The following SHISA9 variants were observed in gnomAD, a reference collection of about 807,000 sequenced individuals.
The protein encoded by SHISA9 is protein shisa-9.
In SHISA9, 13 loss-of-function variants were observed where a neutral mutation model predicts 38.0. The observed-to-expected ratio is 0.34, with a 90% CI of 0.22 to 0.54. SHISA9 has a LOEUF of 0.54. Ranked by LOEUF, SHISA9 falls within the 20% of genes least tolerant of loss-of-function variation. SHISA9 has a pLI of 0.91. For missense variants in SHISA9, 538 were observed against 575.8 expected, an observed-to-expected ratio of 0.93 and a Z score of 0.67; for synonymous variants, 275 against 242.0, an observed-to-expected ratio of 1.14 and a Z score of -1.27.
chr16:13,557,731 A>G, the SHISA9 span, among the ~76,000 whole-genome samples: 16 of 152,092 alleles, frequency 1.1e-4, no homozygotes, highest in Non-Finnish European at 1.9e-4. Context: ...AGCCTCTCAA[A>G]CTCCCAGCAA....
chr16:13,275,172 T>C, the SHISA9 span, among the ~76,000 whole-genome samples: 10 of 152,186 alleles, frequency 6.6e-5, no homozygotes, highest in Admixed American at 2.6e-4. Flanking sequence ...AGGTGTTCAC[T>C]CTACATTGTT....
At chr16:13,107,321 G>C (rs917336637) in intron 2 of SHISA9, among the ~76,000 whole-genome samples, 1 of 152,018 alleles carries the variant, frequency 6.6e-6, no homozygotes, top group African/African-American at 2.4e-5. Context: ...TGTAATCCCA[G>C]TTACTTGGGA....
intron 4 of SHISA9, among the ~76,000 whole-genome samples, chr16:13,221,522 C>G (rs1399894377): frequency 2.0e-5 from 3 of 151,132 alleles, no homozygotes. Flanking sequence ...AAGCAGAGAC[C>G]GAGAAAACGG....
the SHISA9 span, among the ~76,000 whole-genome samples, chr16:13,305,928 G>A: frequency 6.6e-6 from 1 of 152,198 alleles, no homozygotes; most frequent in Non-Finnish European, 1.5e-5. Flanking sequence ...ACCCTTTCTA[G>A]AGACAGGGGA....
chr16:13,308,289 A>G, the SHISA9 span, among the ~76,000 whole-genome samples: 1 of 151,126 alleles, frequency 6.6e-6, no homozygotes, highest in East Asian at 1.9e-4. Context: ...TCTGGTGTGT[A>G]TGAGTGACAA....
At chr16:13,290,437 T>A in the SHISA9 span, among the ~76,000 whole-genome samples, 1 of 151,720 alleles carries the variant, frequency 6.6e-6, no homozygotes, top group Non-Finnish European at 1.5e-5. Context: ...TGTTAAGACC[T>A]AGGAGGATGG....
intron 2 of SHISA9, among the ~76,000 whole-genome samples, chr16:12,976,528 G>A (rs1462849375): frequency 6.6e-6 from 1 of 152,142 alleles, no homozygotes; most frequent in Non-Finnish European, 1.5e-5. Flanking sequence ...TTCCGCTCCT[G>A]TGTCAACAGA....
At chr16:13,099,265 T>C (rs959348447) in intron 2 of SHISA9, among the ~76,000 whole-genome samples, 13 of 150,568 alleles carry the variant, frequency 8.6e-5, no homozygotes, top group Middle Eastern at 3.4e-3. Flanking sequence ...TGATCCCTAA[T>C]TGAAGTGATG....
chr16:13,322,044 A>G, the SHISA9 span, among the ~76,000 whole-genome samples: 1 of 152,232 alleles, frequency 6.6e-6, no homozygotes, highest in Admixed American at 6.5e-5. Flanking sequence ...TACATATTGT[A>G]TATGTCTTAC....
chr16:13,507,725 C>A, the SHISA9 span, among the ~76,000 whole-genome samples: 1 of 152,136 alleles, frequency 6.6e-6, no homozygotes, highest in Non-Finnish European at 1.5e-5. Context: ...AGACTGCCAG[C>A]CCTGATTCAG....
the SHISA9 span, among the ~76,000 whole-genome samples, chr16:13,388,521 G>A: frequency 6.6e-6 from 1 of 151,702 alleles, no homozygotes; most frequent in Non-Finnish European, 1.5e-5. Flanking sequence ...CATGTTGGCC[G>A]GGCTACCTTG....
Position 13,007,868 on chromosome 16 carries a change from T to C in SHISA9, c.691+91053T>C, listed in dbSNP as rs542845036. Among the ~76,000 whole-genome samples the C allele has an allele frequency of 5.1e-4, 77 of 152,346 alleles. 1 individual carries two copies. Among genetic ancestry groups the C allele is most frequent in the Non-Finnish European group, 1.1e-3 (72 of 68,028 alleles). On this transcript the variant is annotated intron_variant, in intron 2 of 4. Coordinates refer to ENST00000558583, the MANE Select transcript of SHISA9 (RefSeq NM_001145204.3). ...TCTTGCACTTGTTTACATTCCTTCC[T>C]TTTTTTATCCTACAATGGAAGGGGC...
intron 2 of SHISA9, among the ~76,000 whole-genome samples, chr16:13,030,888 C>T (rs2072982861): frequency 6.6e-6 from 1 of 152,130 alleles, no homozygotes; most frequent in Non-Finnish European, 1.5e-5. Flanking sequence ...GCGTCACTGA[C>T]AGGGGAGTTC....
At chr16:13,045,532 G>T (rs1000504219) in intron 2 of SHISA9, among the ~76,000 whole-genome samples, 2 of 150,866 alleles carry the variant, frequency 1.3e-5, no homozygotes, top group Non-Finnish European at 2.9e-5. Context: ...GCTTGGCTCT[G>T]TTGAAAACTC....
chr16:13,256,983 C>T, the SHISA9 span, among the ~76,000 whole-genome samples: 2 of 152,164 alleles, frequency 1.3e-5, no homozygotes, highest in East Asian at 3.9e-4. Flanking sequence ...CTCTGATGTT[C>T]ATCTATGCCA....
At chr16:13,126,117 C>T (rs566184067) in intron 2 of SHISA9, among the ~76,000 whole-genome samples, 2 of 152,304 alleles carry the variant, frequency 1.3e-5, no homozygotes, top group East Asian at 3.9e-4. Flanking sequence ...CTATTGGAAA[C>T]TCAGTGGTAT....
At chr16:13,142,056 A>G (rs899152187) in intron 2 of SHISA9, among the ~76,000 whole-genome samples, 1 of 152,236 alleles carries the variant, frequency 6.6e-6, no homozygotes, top group African/African-American at 2.4e-5. Flanking sequence ...ACAGCTTTCT[A>G]TTCTACCTGA....
the SHISA9 span, among the ~76,000 whole-genome samples, chr16:13,499,880 A>G: frequency 6.6e-6 from 1 of 152,146 alleles, no homozygotes; most frequent in Non-Finnish European, 1.5e-5. Flanking sequence ...CCAAACAAAG[A>G]ACAATGGTTG....
intron 2 of SHISA9, among the ~76,000 whole-genome samples, chr16:13,177,200 A>G (rs540867730): frequency 1.0e-3 from 156 of 152,306 alleles, no homozygotes; most frequent in African/African-American, 3.5e-3. Flanking sequence ...CAGAGAACAT[A>G]TTAGCAGCTC....
Sources: gnomAD v4.1 joint callset for allele counts (sites outside exome capture counted in the v4.1 genomes callset) on GRCh38, gnomAD v4.1.1 for gene constraint, MANE v1.5 for transcripts, NCBI Gene and HGNC (gene_info 2026-07-23, HGNC 2026-07-21) for gene names.